SULF1: variants seen among roughly 807,000 people sequenced by gnomAD.
The protein encoded by SULF1 is sulfatase 1.
SULF1 carries 46 observed loss-of-function variants against 110.5 expected under a neutral mutation model. The observed-to-expected ratio is 0.42, with a 90% CI of 0.33 to 0.53. The LOEUF (loss-of-function observed/expected upper bound fraction) is 0.53, where lower values mean the gene tolerates loss of function less well. Ranked by LOEUF, SULF1 falls within the 20% of genes least tolerant of loss-of-function variation. The pLI is 0.12. For missense variants in SULF1, 941 were observed against 1,094.2 expected, an observed-to-expected ratio of 0.86 and a Z score of 1.98; for synonymous variants, 371 against 387.1, an observed-to-expected ratio of 0.96 and a Z score of 0.49.
intron 6 of SULF1, among the ~76,000 whole-genome samples, chr8:69,578,416 A>G (rs997459742): frequency 2.6e-5 from 4 of 152,002 alleles, no homozygotes; most frequent in African/African-American, 4.8e-5. Flanking sequence ...GGTTAGTTAC[A>G]TATGTATACA....
chr8:69,604,226 C>A (rs1808046816), intron 12 of SULF1, among the ~76,000 whole-genome samples: 1 of 152,078 alleles, frequency 6.6e-6, no homozygotes. Context: ...TTTACTGTTG[C>A]ATTTCTCAGT....
At chr8:69,519,845 T>C (rs1812170995) in intron 3 of SULF1, among the ~76,000 whole-genome samples, 1 of 152,120 alleles carries the variant, frequency 6.6e-6, no homozygotes, top group South Asian at 2.1e-4. Flanking sequence ...TTCTAATAAT[T>C]AAAAAGTAGA....
chr8:69,531,859 C>T (rs549710814), intron 3 of SULF1, among the ~76,000 whole-genome samples: 14 of 152,240 alleles, frequency 9.2e-5, no homozygotes, highest in South Asian at 8.3e-4. Context: ...AGTATCAACA[C>T]GGGAAAGAGA....
intron 3 of SULF1, among the ~76,000 whole-genome samples, chr8:69,515,675 C>G (rs912312532): frequency 2.0e-5 from 3 of 152,174 alleles, no homozygotes; most frequent in African/African-American, 7.2e-5. Flanking sequence ...GCTGTGCTTC[C>G]CTTTTAAATA....
At chr8:69,502,690 C>CTTT (rs765285613) in intron 3 of SULF1, among the ~76,000 whole-genome samples, 5,490 of 125,742 alleles carry the variant, frequency 0.044, 230 homozygotes, top group Non-Finnish European at 0.06. Context: ...CTTTTTTTTT[C>CTTT]TTTTTTTTTT....
chr8:69,504,920 T>C (rs980172617), intron 3 of SULF1, among the ~76,000 whole-genome samples: 1 of 152,234 alleles, frequency 6.6e-6, no homozygotes, highest in East Asian at 1.9e-4. Flanking sequence ...ACCACTTTAC[T>C]GGACCTTAGA....
intron 3 of SULF1, among the ~76,000 whole-genome samples, chr8:69,513,024 A>G (rs1280341603): frequency 6.6e-6 from 1 of 152,204 alleles, no homozygotes; most frequent in Non-Finnish European, 1.5e-5. Flanking sequence ...TGTCATTTAT[A>G]TATCTGTGTT....
chr8:69,547,570 A>G (rs999583220), intron 3 of SULF1, among the ~76,000 whole-genome samples: 5 of 152,190 alleles, frequency 3.3e-5, no homozygotes, highest in African/African-American at 1.2e-4. Flanking sequence ...TTTGAAAAAC[A>G]TGAGCGCTGC....
chr8:69,539,707 A>G (rs897590323), intron 3 of SULF1, among the ~76,000 whole-genome samples: 2 of 152,190 alleles, frequency 1.3e-5, no homozygotes, highest in African/African-American at 4.8e-5. Flanking sequence ...GGGAATTTCT[A>G]CGATTTCTAC....
chr8:69,616,226 A>AT lies in SULF1; in HGVS notation c.1378-4808dup, dbSNP rs1353735420. Among the ~76,000 whole-genome samples the AT allele has an allele frequency of 1.0e-3, 143 of 143,084 alleles. 5 individuals carry two copies. Among genetic ancestry groups the AT allele is most frequent in the Middle Eastern group, 3.6e-3 (1 of 274 alleles). The allele number at this position is 143,084 out of a possible 152,430, so 93.9% of individuals were successfully genotyped here. A position where few individuals can be genotyped will look rare whatever the true frequency, so the allele number is the denominator to read the frequency against. ...TATGTGTGTGTATATATATATATATATATATTTTTTTGAGACGGAGTCTTG... is the reference window on the plus strand; with the variant it reads ...TATGTGTGTGTATATATATATATATATTATATTTTTTTGAGACGGAGTCTTG... On this transcript the variant is annotated intron_variant, in intron 13 of 22. Transcript: ENST00000402687.
At chr8:69,589,410 G>A (rs949591231) in intron 8 of SULF1, among the ~76,000 whole-genome samples, 1 of 152,164 alleles carries the variant, frequency 6.6e-6, no homozygotes, top group African/African-American at 2.4e-5. Context: ...AGTGAATGGG[G>A]GCAAGTTTTA....
At position 69,638,801 on chromosome 8, in the gene SULF1, C is replaced by T; in HGVS notation, c.2494C>T (p.Leu832Phe). The change falls in exon 21 of 23, where the codon CTC becomes TTC. Residue 832 changes from leucine to phenylalanine, a missense_variant. Physicochemically the swap from Leu to Phe is conservative, Grantham distance 22 (BLOSUM62 0). This residue lies in a region of SULF1 where 112 missense variants were observed against 133.5 expected (regional missense o/e 0.84). Transcript: ENST00000402687. ...LNQLHVQLMELRSCQGYKQCN... is the reference protein window; with the variant it reads ...LNQLHVQLMEFRSCQGYKQCN... Reference sequence around the variant, plus strand: ...TCAGCTACACGTACAACTAATGGAGCTCAGAAGCTGTCAAGGATATAAGCA... The same window carrying T: ...TCAGCTACACGTACAACTAATGGAGTTCAGAAGCTGTCAAGGATATAAGCA... The T allele has an allele frequency of 6.2e-7, 1 of 1,614,110 alleles. No homozygotes were observed. Among genetic ancestry groups the T allele is most frequent in the Non-Finnish European group, 8.5e-7 (1 of 1,180,010 alleles).
chr8:69,622,306 C>T (rs1809678711), intron 14 of SULF1, among the ~76,000 whole-genome samples: 1 of 152,116 alleles, frequency 6.6e-6, no homozygotes, highest in East Asian at 1.9e-4. Flanking sequence ...AGGCCAGGCG[C>T]GGTGACTCAC....
At chr8:69,467,247 G>T (rs1808894594) in intron 1 of SULF1, among the ~76,000 whole-genome samples, 1 of 152,174 alleles carries the variant, frequency 6.6e-6, no homozygotes, top group Non-Finnish European at 1.5e-5. Context: ...TGCTTGTAGA[G>T]GATAGATAAG....
rs765825581 is a variant in SULF1 at position 69,601,802 on chromosome 8, G to A, written c.1034G>A (p.Arg345His). The A allele has an allele frequency of 3.6e-5, 58 of 1,611,446 alleles. No individual in the cohort carries two copies. In the East Asian group the frequency reaches 6.7e-4, roughly 19 times the overall value. Residue 345 changes from arginine to histidine, a missense_variant, in exon 10 of 23, where the codon CGT (arginine) becomes CAT (histidine). By Grantham distance (29) the Arg-to-His change is conservative. Transcript: ENST00000402687. ...DFDIRVPFFI[R>H]GPSVEPGSIV... is the part of the protein sequence containing the mutation. ...GATATTCGTGTGCCTTTTTTTATTC[G>A]TGGTCCAAGTGTAGAACCAGGATCA...
intron 13 of SULF1, among the ~76,000 whole-genome samples, chr8:69,605,856 G>T (rs991605373): frequency 2.6e-5 from 4 of 152,334 alleles, no homozygotes; most frequent in South Asian, 2.1e-4. Flanking sequence ...GTAGAGTGAG[G>T]TGGGCATTGG....
At chr8:69,489,137 T>G (rs1809814378), upstream of SULF1, among the ~76,000 whole-genome samples, 1 of 152,136 alleles carries the variant, frequency 6.6e-6, no homozygotes, top group South Asian at 2.1e-4. Context: ...CACGTGAGAT[T>G]TTAGGCGTTA....
intron 6 of SULF1, among the ~76,000 whole-genome samples, chr8:69,582,745 G>A (rs566392032): frequency 2.6e-5 from 4 of 152,034 alleles, no homozygotes; most frequent in South Asian, 4.2e-4. Flanking sequence ...ATGAGGAGGA[G>A]GCCAAGGAAA....
intron 3 of SULF1, among the ~76,000 whole-genome samples, chr8:69,558,690 TGA>T (rs1439290074): frequency 3.9e-5 from 6 of 152,212 alleles, no homozygotes; most frequent in Non-Finnish European, 8.8e-5. Context: ...GCCTTAAATG[TGA>T]GAGTCTGGGC....
Sources: gnomAD v4.1 joint callset for allele counts (sites outside exome capture counted in the v4.1 genomes callset) on GRCh38, gnomAD v4.1.1 for gene constraint, gnomAD v4.1.1 regional missense constraint, MANE v1.5 for transcripts, NCBI Gene and HGNC (gene_info 2026-07-23, HGNC 2026-07-21) for gene names.